The following PC variants were observed in gnomAD, a reference collection of about 807,000 sequenced individuals.
The protein encoded by PC is pyruvate carboxylase, mitochondrial.
PC carries 46 observed loss-of-function variants against 107.8 expected under a neutral mutation model. The observed-to-expected ratio is 0.43, with a 90% CI of 0.34 to 0.55. The LOEUF (loss-of-function observed/expected upper bound fraction) is 0.55, where lower values mean the gene tolerates loss of function less well. Among genes scored for constraint, PC ranks in the 20% least tolerant of loss-of-function variants. The pLI is 0.04. For synonymous variants in PC, 662 were observed against 684.7 expected (o/e 0.97, Z 0.52); for missense variants, 1,241 against 1,643.1 (o/e 0.76, Z 4.23).
chr11:66,933,980 T>G (rs1948928670), intron 3 of PC, among the ~76,000 whole-genome samples: 1 of 152,190 alleles, frequency 6.6e-6, no homozygotes, highest in Non-Finnish European at 1.5e-5. Flanking sequence ...GCTTCCCAAG[T>G]GCTAGGCCCT....
chr11:66,857,828 G>T lies in PC; in HGVS notation c.1369-4445C>A. ...CCTGCGTCTGCCAGAACCTGTCCGA[G>T]TCGCTCAGCACCCTCTGTGCCCACC... On this transcript the variant is annotated intron_variant, in intron 12 of 22. Coordinates refer to ENST00000393960, the MANE Select transcript of PC (RefSeq NM_001040716.2). This position sits in a 1 kb window ranked among gnomAD's most constrained non-coding sequence, Gnocchi z 7.1. The T allele has an allele frequency of 6.2e-7, 1 of 1,604,910 alleles. No homozygotes were observed.
chr11:66,904,937 A>G (rs543143522), intron 3 of PC, among the ~76,000 whole-genome samples: 1 of 152,350 alleles, frequency 6.6e-6, no homozygotes, highest in African/African-American at 2.4e-5. Context: ...CTCAGCACAG[A>G]GCGCTGACAA....
At chr11:66,941,159 C>T (rs1212696657) in intron 3 of PC, among the ~76,000 whole-genome samples, 1 of 151,004 alleles carries the variant, frequency 6.6e-6, no homozygotes, top group African/African-American at 2.4e-5. Context: ...TGAGATATCA[C>T]CTCATACCCA....
chr11:66,953,108 G>C (rs1178285866), intron 2 of PC, among the ~76,000 whole-genome samples: 3 of 152,246 alleles, frequency 2.0e-5, no homozygotes, highest in Non-Finnish European at 4.4e-5. Context: ...TAACCGACAG[G>C]CTAGGTGGGA....
At position 66,852,710 on chromosome 11, in the gene PC, G is replaced by GTC. The variant is rs1945576185; in HGVS notation, c.1603+35_1603+36dup. On this transcript the variant is annotated intron_variant, in intron 14 of 22. Transcript: ENST00000393960. This position sits in a 1 kb window ranked among gnomAD's most constrained non-coding sequence, Gnocchi z 4.7. Reference sequence around the variant, plus strand: ...CCCATCCTGCAGGTGGCAACCTCCTGTCTCCCCCATGAGTTGACAGAATGG... The same window carrying GTC: ...CCCATCCTGCAGGTGGCAACCTCCTGTCTCTCCCCCATGAGTTGACAGAATGG... 6.2e-7 allele frequency: 1 copy of GTC among 1,610,562 alleles called. No individual in the cohort carries two copies. Among genetic ancestry groups the GTC allele is most frequent in the Non-Finnish European group, 8.5e-7 (1 of 1,177,206 alleles).
chr11:66,920,928 C>A (rs1204380171), intron 3 of PC, among the ~76,000 whole-genome samples: 1 of 151,888 alleles, frequency 6.6e-6, no homozygotes, highest in Admixed American at 6.6e-5. Flanking sequence ...GTCCCAGCCA[C>A]TCAGGAGGCT....
intron 3 of PC, among the ~76,000 whole-genome samples, chr11:66,881,802 C>A: frequency 6.6e-6 from 1 of 152,210 alleles, no homozygotes; most frequent in Non-Finnish European, 1.5e-5. Flanking sequence ...CACACCCAGG[C>A]CACCAGCAGA....
chr11:66,942,983 TC>T (rs1269863233), intron 3 of PC, among the ~76,000 whole-genome samples: 3 of 149,932 alleles, frequency 2.0e-5, no homozygotes, highest in South Asian at 4.2e-4. Flanking sequence ...GCCATCACAC[TC>T]CAGCCTGGGC....
At chr11:66,851,413 G>A (rs2135805816) in intron 16 of PC, 133 bp from the exon 17 acceptor site, 1 of 1,325,112 alleles carries the variant, frequency 7.5e-7, no homozygotes, top group Non-Finnish European at 1.0e-6. Context: ...AGGGGGTGTG[G>A]CATCCACAGG....
chr11:66,864,363 G>A (rs1354171363), intron 11 of PC, among the ~76,000 whole-genome samples: 1 of 152,270 alleles, frequency 6.6e-6, no homozygotes, highest in Non-Finnish European at 1.5e-5. Context: ...GAGGTCTGCT[G>A]ACCCGGCCGC....
chr11:66,930,615 C>G (rs963416807), intron 3 of PC, among the ~76,000 whole-genome samples: 2 of 151,560 alleles, frequency 1.3e-5, no homozygotes, highest in African/African-American at 4.8e-5. Context: ...GGTGGCACAC[C>G]CCTGTAATCC....
chr11:66,954,770 C>A (rs1196039394), intron 1 of PC, among the ~76,000 whole-genome samples: 1 of 152,102 alleles, frequency 6.6e-6, no homozygotes, highest in Non-Finnish European at 1.5e-5. Flanking sequence ...ATAGTGAAAC[C>A]CCATCTCTAC....
chr11:66,870,886 C>T lies in PC; in HGVS notation c.640G>A (p.Glu214Lys). Residue 214 changes from glutamate (E) to lysine (K), a missense_variant, in exon 8 of 23, where the codon GAG becomes AAG. Glu to Lys is a moderately conservative substitution (Grantham distance 56). Coordinates refer to ENST00000393960, the MANE Select transcript of PC (RefSeq NM_001040716.2). The surrounding 1 kb of genome is among the most constrained non-coding windows in gnomAD (Gnocchi z 6.1). ...MRVVHSYEEL[E>K]ENYTRAYSEA... is the part of the protein sequence containing the mutation. Reference sequence around the variant, plus strand: ...GAGTAGGCCCGGGTGTAATTCTCCTCCAGCTCCTGCGAGGGCGGGCAGGGG... The same window carrying T: ...GAGTAGGCCCGGGTGTAATTCTCCTTCAGCTCCTGCGAGGGCGGGCAGGGG... 6.2e-7 allele frequency: 1 copy of T among 1,612,764 alleles called. No individual in the cohort carries two copies. Among genetic ancestry groups the T allele is most frequent in the Non-Finnish European group, 8.5e-7 (1 of 1,179,958 alleles).
chr11:66,868,409 A>G lies in PC; in HGVS notation c.1022+437T>C, dbSNP rs79838810. On this transcript the variant is annotated intron_variant, in intron 10 of 22. Transcript: ENST00000393960. ...ATTTGAAAAGTAGAATAAAAATTCT[A>G]TATAAAACATCTCTATTGCATCAAA... 8.9e-3 allele frequency among the ~76,000 whole-genome samples: 1,353 copies of G among 152,388 alleles called. 22 individuals are homozygous for G. Among genetic ancestry groups the G allele is most frequent in the African/African-American group, 0.03 (1,259 of 41,592 alleles).
At chr11:66,904,165 C>T (rs1442995120) in intron 3 of PC, among the ~76,000 whole-genome samples, 1 of 152,068 alleles carries the variant, frequency 6.6e-6, no homozygotes, top group Non-Finnish European at 1.5e-5. Flanking sequence ...GGCCTATCTC[C>T]CACCCCTAAT....
At chr11:66,943,281 G>T (rs868463119) in intron 3 of PC, among the ~76,000 whole-genome samples, 1 of 140,488 alleles carries the variant, frequency 7.1e-6, no homozygotes, top group African/African-American at 2.6e-5. Context: ...GGAGTCGGAG[G>T]AAAAAAAAAA....
rs139136182 is a variant in PC, at chr11:66,927,334, G to A, written c.-1+25096C>T. Among the ~76,000 whole-genome samples the A allele has an allele frequency of 2.3e-3, 340 of 150,064 alleles. 2 individuals carry two copies. Among genetic ancestry groups the A allele is most frequent in the Middle Eastern group, 0.01 (3 of 294 alleles). On this transcript the variant is annotated intron_variant, in intron 3 of 22. Coordinates refer to ENST00000393960, the MANE Select transcript of PC (RefSeq NM_001040716.2). ...CTCCCAGCCACACCAGTGTACTCCC[G>A]TACTCCTCTGGTTTTCATTCTCTGA...
chr11:66,853,425 C>T (rs758209193), intron 12 of PC, 42 bp from the exon 13 acceptor site: 1 of 1,611,596 alleles, frequency 6.2e-7, no homozygotes, highest in Non-Finnish European at 8.5e-7. Flanking sequence ...CCATGCAGCA[C>T]AGACAGGGAA....
chr11:66,922,023 T>C (rs1948609147), intron 3 of PC, among the ~76,000 whole-genome samples: 1 of 152,126 alleles, frequency 6.6e-6, no homozygotes, highest in Non-Finnish European at 1.5e-5. Flanking sequence ...TCCCCTGTGC[T>C]TGTGAATGAG....
Sources: gnomAD v4.1 joint callset for allele counts (sites outside exome capture counted in the v4.1 genomes callset) on GRCh38, gnomAD v4.1.1 for gene constraint, Gnocchi (gnomAD v3.1) non-coding constraint, MANE v1.5 for transcripts, NCBI Gene and HGNC (gene_info 2026-07-23, HGNC 2026-07-21) for gene names.